The following GRK5 variants were observed in gnomAD, a reference collection of about 807,000 sequenced individuals.
GRK5 encodes the protein g protein-coupled receptor kinase GRK5.
In GRK5, 40 loss-of-function variants were observed where a neutral mutation model predicts 78.4. The observed-to-expected ratio is 0.51, with a 90% CI of 0.40 to 0.66. The LOEUF (loss-of-function observed/expected upper bound fraction) is 0.66. GRK5 is among the 30% of genes least tolerant of loss of function. GRK5 has a pLI of 0.00. For synonymous variants in GRK5, 289 were observed against 296.8 expected, an observed-to-expected ratio of 0.97 and a Z score of 0.27; for missense variants, 598 against 759.9, an observed-to-expected ratio of 0.79 and a Z score of 2.50.
At position 119,430,410 on chromosome 10, in the gene GRK5, G is replaced by T; in HGVS notation, c.569G>T (p.Arg190Leu). 1 of 1,613,058 alleles carries T rather than the reference G, an allele frequency of 6.2e-7. No individual in the cohort carries two copies. Among genetic ancestry groups the T allele is most frequent in the Non-Finnish European group, 8.5e-7 (1 of 1,179,654 alleles). The change falls in exon 7 of 16, where the codon CGA (arginine) becomes CTA (leucine). Residue 190 changes from arginine (R) to leucine (L), a missense_variant. Transcript: ENST00000392870. The surrounding 1 kb of genome is among the most constrained non-coding windows in gnomAD (Gnocchi z 4.5). ...ACCAAAAACACTTTCAGGCAGTATCGAGTGCTAGGAAAAGGGGGCTTCGGG... is the reference window on the plus strand; with the variant it reads ...ACCAAAAACACTTTCAGGCAGTATCTAGTGCTAGGAAAAGGGGGCTTCGGG... ...PVTKNTFRQY[R>L]VLGKGGFGEV...
At position 119,452,408 on chromosome 10, in the gene GRK5, G is replaced by A. The variant is rs377127107; in HGVS notation, c.1405-263G>A. On this transcript the variant is annotated intron_variant, in intron 13 of 15. Transcript: ENST00000392870. This position sits in a 1 kb window ranked among gnomAD's most constrained non-coding sequence, Gnocchi z 4.4. ...CCCGTCATGGATCTGAGAGAGGGCT[G>A]CACTGTCATCTGGAGGGGTCGCACA... 2.4e-5 allele frequency: 11 copies of A among 467,362 alleles called. No individual in the cohort carries two copies. Among genetic ancestry groups the A allele is most frequent in the African/African-American group, 1.8e-4 (9 of 51,168 alleles). The allele number at this position is 467,362 out of a possible 1,614,324, so 29.0% of individuals were successfully genotyped here.
chr10:119,454,899 G>A (rs1313222689), intron 15 of GRK5, 70 bp from the exon 16 acceptor site: 7 of 1,019,630 alleles, frequency 6.9e-6, no homozygotes, highest in African/African-American at 1.6e-5. Flanking sequence ...AGGCAGCCCC[G>A]ACCCATCCCC....
chr10:119,442,924 G>C (rs1375907770), intron 11 of GRK5, among the ~76,000 whole-genome samples: 1 of 152,184 alleles, frequency 6.6e-6, no homozygotes, highest in Admixed American at 6.5e-5. Context: ...ATGGATGATG[G>C]ATGATGGATG....
intron 2 of GRK5, among the ~76,000 whole-genome samples, chr10:119,372,653 C>G (rs1358875468): frequency 6.6e-6 from 1 of 152,192 alleles, no homozygotes; most frequent in Non-Finnish European, 1.5e-5. Flanking sequence ...CATCAGGACA[C>G]TATTTATTAT....
At chr10:119,338,458 T>C (rs948804465) in intron 2 of GRK5, among the ~76,000 whole-genome samples, 4 of 152,268 alleles carry the variant, frequency 2.6e-5, no homozygotes, top group Non-Finnish European at 5.9e-5. Context: ...TCTAGCTTTT[T>C]TCCCCATACA....
intron 1 of GRK5, among the ~76,000 whole-genome samples, chr10:119,292,380 G>A (rs924911487): frequency 1.1e-4 from 16 of 151,386 alleles, no homozygotes; most frequent in African/African-American, 3.9e-4. Flanking sequence ...ATGGTGCCTC[G>A]GCTTCACAGG....
intron 2 of GRK5, among the ~76,000 whole-genome samples, chr10:119,343,849 C>A (rs1425690668): frequency 6.6e-6 from 1 of 152,144 alleles, no homozygotes; most frequent in Non-Finnish European, 1.5e-5. Context: ...ACAGAGCAGG[C>A]GGGCTTCCAG....
chr10:119,222,744 T>C (rs1848675209), intron 1 of GRK5, among the ~76,000 whole-genome samples: 1 of 152,190 alleles, frequency 6.6e-6, no homozygotes, highest in Admixed American at 6.5e-5. Flanking sequence ...TAGCTCTACA[T>C]GGGGAAGGGC....
intron 2 of GRK5, among the ~76,000 whole-genome samples, chr10:119,345,968 T>A (rs1851083333): frequency 6.6e-6 from 1 of 152,084 alleles, no homozygotes; most frequent in African/African-American, 2.4e-5. Context: ...TGTCAGTGGA[T>A]CCCTGTCCCA....
At position 119,354,394 on chromosome 10, in the gene GRK5, CCT is replaced by C. The variant is rs1491114174; in HGVS notation, c.149-26420_149-26419del. ...AACTGCAACTTTGTGCCCTACATCT[CCT>C]TTTTTTTTTTTTTTTTTTTTTTTGA... On this transcript the variant is annotated intron_variant, in intron 2 of 15. Transcript: ENST00000392870. Among the ~76,000 whole-genome samples the C allele has an allele frequency of 2.4e-5, 3 of 123,116 alleles. No homozygotes were observed. In the East Asian group the frequency reaches 6.3e-4, roughly 26 times the overall value. The allele number at this position is 123,116 out of a possible 152,430, so 80.8% of individuals were successfully genotyped here.
At chr10:119,256,964 C>T (rs74157644) in intron 1 of GRK5, among the ~76,000 whole-genome samples, 2,195 of 152,290 alleles carry the variant, frequency 0.014, 47 homozygotes, top group African/African-American at 0.049. Flanking sequence ...GGACATTTCA[C>T]GTAAATGAAA....
chr10:119,235,511 G>A (rs1848909773), intron 1 of GRK5, among the ~76,000 whole-genome samples: 2 of 152,186 alleles, frequency 1.3e-5, no homozygotes, highest in South Asian at 4.1e-4. Context: ...AAGTGCTGCA[G>A]AGTGGGAGTC....
intron 2 of GRK5, among the ~76,000 whole-genome samples, chr10:119,365,764 A>G (rs755825595): frequency 3.3e-5 from 5 of 152,084 alleles, no homozygotes; most frequent in Non-Finnish European, 7.4e-5. Context: ...TCCCCTCAAC[A>G]CACCCTTTCT....
At chr10:119,252,270 C>A (rs1198039559) in intron 1 of GRK5, among the ~76,000 whole-genome samples, 1 of 152,198 alleles carries the variant, frequency 6.6e-6, no homozygotes, top group Non-Finnish European at 1.5e-5. Context: ...TGTGCTGTGA[C>A]CTCTGGGCAG....
rs750536734 is a variant in GRK5 at position 119,452,700 on chromosome 10, G to A, written c.1434G>A (p.Leu478=). The change falls in exon 14 of 16, where the codon CTG becomes CTA. Residue 478 remains leucine, a synonymous_variant. Transcript: ENST00000392870. The surrounding 1 kb of genome is among the most constrained non-coding windows in gnomAD (Gnocchi z 4.4). ...DPRAVYCKDV[L]DIEQFSTVKG... ...GCGCTGTGTACTGTAAGGACGTGCT[G>A]GACATCGAGCAGTTCTCCACTGTGA... The A allele has an allele frequency of 1.9e-6, 3 of 1,614,120 alleles. No homozygotes were observed. The highest frequency in any genetic ancestry group is 2.2e-5 in the South Asian group (2 of 91,086).
chr10:119,353,102 AT>A (rs1851211620), intron 2 of GRK5, among the ~76,000 whole-genome samples: 1 of 152,210 alleles, frequency 6.6e-6, no homozygotes. Context: ...CAGAGATCAA[AT>A]CTTGTTCATG....
chr10:119,411,842 C>CTTGTTTTTTTT (rs1852343285), intron 4 of GRK5, among the ~76,000 whole-genome samples: 1 of 95,978 alleles, frequency 1.0e-5, no homozygotes, highest in Non-Finnish European at 2.1e-5. Context: ...AGATCTGCTT[C>CTTGTTTTTTTT]TTTTTTTTTT....
intron 1 of GRK5, among the ~76,000 whole-genome samples, chr10:119,278,210 G>A (rs896524386): frequency 3.3e-5 from 5 of 152,034 alleles, no homozygotes; most frequent in South Asian, 2.1e-4. Context: ...TTCCCGAGAC[G>A]GTCTAATGGC....
At position 119,453,350 on chromosome 10, in the gene GRK5, G is replaced by C. The variant is rs1589819360; in HGVS notation, c.1674+74G>C. 2.6e-6 allele frequency: 4 copies of C among 1,559,476 alleles called. No homozygotes were observed. The East Asian group carries it at 9.0e-5, about 35-fold the overall frequency. On this transcript the variant is annotated intron_variant, in intron 15 of 15. Transcript: ENST00000392870. ...GGCTCACTTCCATGGGAAACGAGAA[G>C]ACCCACAGTAGAGACCCTTGGAAGG...
Sources: allele counts gnomAD v4.1 joint callset (sites outside exome capture counted in the v4.1 genomes callset), GRCh38; gene constraint gnomAD v4.1.1; non-coding constraint Gnocchi (gnomAD v3.1); transcripts MANE v1.5; gene names NCBI Gene and HGNC (gene_info 2026-07-23, HGNC 2026-07-21).